EXTL2: variants seen among roughly 807,000 people sequenced by gnomAD.
EXTL2 encodes the protein exostosin like glycosyltransferase 2, also known as exostosin-like 2.
EXTL2 carries 23 observed loss-of-function variants against 30.7 expected under a neutral mutation model. The ratio of observed to expected loss-of-function variants is 0.75; its 90% CI spans 0.54 to 1.06. EXTL2 has a LOEUF of 1.06. Among genes scored for constraint, EXTL2 ranks in the 50% least tolerant of loss-of-function variants. The pLI, the probability that EXTL2 is intolerant of heterozygous loss-of-function variation, is 0.00. For missense variants in EXTL2, 352 were observed against 396.3 expected, an observed-to-expected ratio of 0.89 and a Z score of 0.95; for synonymous variants, 123 against 133.8, an observed-to-expected ratio of 0.92 and a Z score of 0.56.
chr1:100,875,574 G>A (rs1370932222), intron 4 of EXTL2, among the ~76,000 whole-genome samples: 1 of 151,932 alleles, frequency 6.6e-6, no homozygotes, highest in Non-Finnish European at 1.5e-5. Context: ...GAGGTAATGG[G>A]CAAATACAAA....
chr1:100,874,694 A>G (rs1164801545), intron 4 of EXTL2, among the ~76,000 whole-genome samples: 1 of 152,110 alleles, frequency 6.6e-6, no homozygotes, highest in Non-Finnish European at 1.5e-5. Context: ...TTCAAACATT[A>G]TCTGACATTA....
At chr1:100,890,317 G>T (rs1244843830) in intron 1 of EXTL2, among the ~76,000 whole-genome samples, 1 of 152,176 alleles carries the variant, frequency 6.6e-6, no homozygotes, top group African/African-American at 2.4e-5. Context: ...AGGGTCCTGG[G>T]CCCAGCCCAT....
rs905201846 is a variant in EXTL2, at chr1:100,873,493, T to A, written c.*449A>T. ...TTCATATGTGACTGAGACTATTCTC[T>A]TCTTACATGGCTTTACCCCATACCA... is the stretch of plus-strand genomic sequence containing the variant. On this transcript the variant is annotated 3_prime_UTR_variant, in exon 5 of 5. Coordinates refer to ENST00000370114, the MANE Select transcript of EXTL2 (RefSeq NM_001033025.3). 5 of 154,498 alleles carry A rather than the reference T, an allele frequency of 3.2e-5. No individual in the cohort carries two copies. Among genetic ancestry groups the A allele is most frequent in the Admixed American group, 2.6e-4 (4 of 15,594 alleles). 9.6% of individuals were successfully genotyped at this position (154,498 alleles called of 1,614,324 possible).
chr1:100,881,109 A>T (rs1247933195), intron 2 of EXTL2: 1 of 815,218 alleles, frequency 1.2e-6, no homozygotes, highest in African/African-American at 1.8e-5. Context: ...AACATAGTGT[A>T]AATATTTCAT....
In EXTL2 at chr1:100,873,104, T is replaced by A. The variant is rs1179225610; in HGVS notation, c.*838A>T. 1 of 152,092 alleles carries A rather than the reference T, an allele frequency of 6.6e-6. No homozygotes were observed. Among genetic ancestry groups the A allele is most frequent in the Non-Finnish European group, 1.5e-5 (1 of 67,966 alleles). 9.4% of individuals were successfully genotyped at this position (152,092 alleles called of 1,614,324 possible). A position where few individuals can be genotyped will look rare whatever the true frequency, so the allele number is the denominator to read the frequency against. ...TCTTACTCATTTTTTTCAGGTTTTTTATACATTTCTTAAACAACACATACA... is the reference window on the plus strand; with the variant it reads ...TCTTACTCATTTTTTTCAGGTTTTTAATACATTTCTTAAACAACACATACA... On this transcript the variant is annotated 3_prime_UTR_variant, in exon 5 of 5. Coordinates refer to ENST00000370114, the MANE Select transcript of EXTL2 (RefSeq NM_001033025.3).
At chr1:100,883,848 T>C (rs905642758) in intron 2 of EXTL2, among the ~76,000 whole-genome samples, 28 of 152,220 alleles carry the variant, frequency 1.8e-4, no homozygotes, top group African/African-American at 6.5e-4. Context: ...TTATTTGAAA[T>C]TACAAGTAAT....
rs1410261134 is a variant in EXTL2 at position 100,872,484 on chromosome 1, A to T, written c.*1458T>A. 1.3e-5 allele frequency: 2 copies of T among 152,470 alleles called. No homozygotes were observed. Among genetic ancestry groups the T allele is most frequent in the African/African-American group, 4.8e-5 (2 of 41,426 alleles). The allele number at this position is 152,470 out of a possible 1,614,324, so 9.4% of individuals were successfully genotyped here. On this transcript the variant is annotated 3_prime_UTR_variant, in exon 5 of 5. Transcript: ENST00000370114. ...ACAAAACAGATAACTGACATTATCG[A>T]TTTTTAGTAAGATTCTTAGTTTCTT... is the stretch of plus-strand genomic sequence containing the variant.
In EXTL2 at chr1:100,877,435, A is replaced by C. The variant is rs1383955952; in HGVS notation, c.433+41T>G. The C allele has an allele frequency of 6.7e-7, 1 of 1,500,270 alleles. No homozygotes were observed. Among genetic ancestry groups the C allele is most frequent in the East Asian group, 2.3e-5 (1 of 44,050 alleles). 92.9% of individuals were successfully genotyped at this position (1,500,270 alleles called of 1,614,324 possible). A position where few individuals can be genotyped will look rare whatever the true frequency, so the allele number is the denominator to read the frequency against. On this transcript the variant is annotated intron_variant, in intron 3 of 4. Coordinates refer to ENST00000370114, the MANE Select transcript of EXTL2 (RefSeq NM_001033025.3). The surrounding 1 kb of genome is among the most constrained non-coding windows in gnomAD (Gnocchi z 4.1). ...TCACATGTCTGTCCCAGCTCTGGAC[A>C]GCGGCAGCCTTTCCAGGCTGAGAAC...
At position 100,873,373 on chromosome 1, in the gene EXTL2, G is replaced by C. The variant is rs1052625927; in HGVS notation, c.*569C>G. The C allele has an allele frequency of 2.0e-5, 3 of 152,246 alleles. No homozygotes were observed. Among genetic ancestry groups the C allele is most frequent in the Non-Finnish European group, 2.9e-5 (2 of 68,016 alleles). The allele number at this position is 152,246 out of a possible 1,614,324, so 9.4% of individuals were successfully genotyped here. ...AAGACTTAACAAAAATAAAAGCATG[G>C]ATGGTTACATCAAAACCATGCTGGA... On this transcript the variant is annotated 3_prime_UTR_variant, in exon 5 of 5. Transcript: ENST00000370114.
chr1:100,894,127 G>T (rs1296397276), intron 1 of EXTL2, among the ~76,000 whole-genome samples: 1 of 152,014 alleles, frequency 6.6e-6, no homozygotes, highest in Non-Finnish European at 1.5e-5. Context: ...GAAATCAGTT[G>T]CTGAAATTTA....
intron 2 of EXTL2, among the ~76,000 whole-genome samples, chr1:100,887,773 G>T (rs1020355713): frequency 6.6e-6 from 1 of 151,840 alleles, no homozygotes; most frequent in Non-Finnish European, 1.5e-5. Flanking sequence ...GGCGCGATCC[G>T]GCTCACTGCA....
rs757701745 is a variant in EXTL2 at position 100,873,919 on chromosome 1, GT to G, written c.*22del. On this transcript the variant is annotated 3_prime_UTR_variant, in exon 5 of 5. Transcript: ENST00000370114. ...TACTCAAATGCCAAGCAGTTTTCAG[GT>G]TTGTTTTTGTTTGTTTTACTTTTAT... The G allele has an allele frequency of 9.1e-5, 140 of 1,533,786 alleles. No homozygotes were observed. The African/African-American group carries it at 1.9e-3, about 20-fold the overall frequency.
chr1:100,873,135 TA>T lies in EXTL2; in HGVS notation c.*806del, dbSNP rs1648829026. 6.6e-6 allele frequency: 1 copy of T among 152,044 alleles called. No homozygotes were observed. Among genetic ancestry groups the T allele is most frequent in the Non-Finnish European group, 1.5e-5 (1 of 67,968 alleles). 9.4% of individuals were successfully genotyped at this position (152,044 alleles called of 1,614,324 possible). ...TTTCTTAAACAACACATACATTATG[TA>T]AAATATAAGAATTAATGTACATTCT... On this transcript the variant is annotated 3_prime_UTR_variant, in exon 5 of 5. Coordinates refer to ENST00000370114, the MANE Select transcript of EXTL2 (RefSeq NM_001033025.3).
rs1648820645 is a variant in EXTL2, at chr1:100,873,009, G to A, written c.*933C>T. 1 of 151,902 alleles carries A rather than the reference G, an allele frequency of 6.6e-6. No homozygotes were observed. Among genetic ancestry groups the A allele is most frequent in the Admixed American group, 6.6e-5 (1 of 15,236 alleles). The allele number at this position is 151,902 out of a possible 1,614,324, so 9.4% of individuals were successfully genotyped here. A position where few individuals can be genotyped will look rare whatever the true frequency, so the allele number is the denominator to read the frequency against. ...TTTGGCTTTGTAATACAACTTTTTA[G>A]TATCCAGAAGATAACCAGTGCTCTA... On this transcript the variant is annotated 3_prime_UTR_variant, in exon 5 of 5. Transcript: ENST00000370114.
Position 100,874,130 on chromosome 1 carries a change from T to C in EXTL2, c.805A>G (p.Met269Val), listed in dbSNP as rs542857472. The change falls in exon 5 of 5, where the codon ATG (methionine) becomes GTG (valine). Residue 269 changes from methionine to valine, a missense_variant. By Grantham distance (21) the Met-to-Val change is conservative. Coordinates refer to ENST00000370114, the MANE Select transcript of EXTL2 (RefSeq NM_001033025.3). ...TSGIFVKPVNMDNLEKETNSG... is the reference protein window; with the variant it reads ...TSGIFVKPVNVDNLEKETNSG... ...TTGGTTTCTTTTTCCAAATTGTCCA[T>C]GTTTACAGGCTTCACAAATATCCCT... 1.2e-5 allele frequency: 19 copies of C among 1,613,076 alleles called. No individual in the cohort carries two copies. In the East Asian group the frequency reaches 3.1e-4, roughly 27 times the overall value.
rs570176774 is a variant in EXTL2, at chr1:100,889,873, C to T, written c.-71-1045G>A. 9.2e-5 allele frequency among the ~76,000 whole-genome samples: 14 copies of T among 152,256 alleles called. No homozygotes were observed. In the South Asian group the frequency reaches 2.9e-3, roughly 32 times the overall value. The stretch of plus-strand genomic sequence containing the variant: ...CCTCCTGGCTGCTTTCATAGGCTGG[C>T]GTTTGAGTGTCTGTGGCTTTTCCAG... On this transcript the variant is annotated intron_variant, in intron 1 of 4. Transcript: ENST00000370114.
At chr1:100,894,028 A>G (rs1057412198) in intron 1 of EXTL2, among the ~76,000 whole-genome samples, 4 of 152,204 alleles carry the variant, frequency 2.6e-5, no homozygotes, top group South Asian at 2.1e-4. Context: ...ATTTGTAGCA[A>G]TACAGTATAA....
At chr1:100,893,159 T>A (rs188801856) in intron 1 of EXTL2, among the ~76,000 whole-genome samples, 1 of 152,370 alleles carries the variant, frequency 6.6e-6, no homozygotes, top group Non-Finnish European at 1.5e-5. Context: ...AAATCCATTT[T>A]TTAGTTTAAA....
chr1:100,891,381 C>CA (rs1650411963), intron 1 of EXTL2, among the ~76,000 whole-genome samples: 1 of 151,990 alleles, frequency 6.6e-6, no homozygotes, highest in African/African-American at 2.4e-5. Flanking sequence ...AGGGGAATTG[C>CA]AAAAAAGAAA....
Sources: allele counts gnomAD v4.1 joint callset (sites outside exome capture counted in the v4.1 genomes callset), GRCh38; gene constraint gnomAD v4.1.1; non-coding constraint Gnocchi (gnomAD v3.1); transcripts MANE v1.5; gene names NCBI Gene and HGNC (gene_info 2026-07-23, HGNC 2026-07-21).